The following DEFB108B variants were observed in gnomAD, a reference collection of about 807,000 sequenced individuals.
DEFB108B encodes the protein beta-defensin 108B.
In DEFB108B, 3 loss-of-function variants were observed where a neutral mutation model predicts 2.4. The observed-to-expected ratio is 1.25, with a 90% CI of 0.57 to 3.24. The LOEUF (loss-of-function observed/expected upper bound fraction) is 3.24. Among genes scored for constraint, DEFB108B ranks in the 30% most tolerant of loss-of-function variants. The probability of loss-of-function intolerance (pLI) is 0.03; values close to 1 mark genes in which losing one functional copy is unlikely to be tolerated. For synonymous variants in DEFB108B, 25 were observed against 28.7 expected, an observed-to-expected ratio of 0.87 and a Z score of 0.41; for missense variants, 101 against 87.8, an observed-to-expected ratio of 1.15 and a Z score of -0.60.
In DEFB108B at chr11:71,837,429, G is replaced by A. The variant is rs370343685; in HGVS notation, c.89G>A (p.Arg30His). The change falls in exon 2 of 2, where the codon CGT becomes CAT. Residue 30 changes from arginine (R) to histidine (H), a missense_variant. Coordinates refer to ENST00000328698, the MANE Select transcript of DEFB108B (RefSeq NM_001002035.2). ...GGCAAATTCAAGGAGATCTGTGAAC[G>A]TCCAAATGGCTCCTGTCGGGACTTT... ...ARGKFKEICERPNGSCRDFCL... is the reference protein window; with the variant it reads ...ARGKFKEICEHPNGSCRDFCL... 1.0e-4 allele frequency: 162 copies of A among 1,611,800 alleles called. No homozygotes were observed. The highest frequency in any genetic ancestry group is 1.3e-4 in the Non-Finnish European group (154 of 1,179,810).
chr11:71,837,554 A>G lies in DEFB108B; in HGVS notation c.214A>G (p.Lys72Glu). The G allele has an allele frequency of 6.2e-7, 1 of 1,610,442 alleles. No individual in the cohort carries two copies. Among genetic ancestry groups the G allele is most frequent in the Non-Finnish European group, 8.5e-7 (1 of 1,179,110 alleles). The change falls in exon 2 of 2, where the codon AAG (lysine) becomes GAG (glutamate). Residue 72 changes from lysine (K) to glutamate (E), a missense_variant. Lys to Glu is a moderately conservative substitution (Grantham distance 56). Coordinates refer to ENST00000328698, the MANE Select transcript of DEFB108B (RefSeq NM_001002035.2). Reference sequence around the variant, plus strand: ...AAGAATTGAGAGCACTACACCCAAAAAGGACTGAAGCCTGTTGTTTTCTGG... The same window carrying G: ...AAGAATTGAGAGCACTACACCCAAAGAGGACTGAAGCCTGTTGTTTTCTGG... ...QPRIESTTPK[K>E]D
At chr11:71,836,206 G>C (rs1209559820) in intron 1 of DEFB108B, among the ~76,000 whole-genome samples, 1 of 152,146 alleles carries the variant, frequency 6.6e-6, no homozygotes, top group Non-Finnish European at 1.5e-5. Context: ...CCAACATCTA[G>C]AATTATCATT....
chr11:71,834,085 G>C (rs1232189131), intron 1 of DEFB108B, among the ~76,000 whole-genome samples: 1 of 152,104 alleles, frequency 6.6e-6, no homozygotes, highest in African/African-American at 2.4e-5. Context: ...AAAAAATTAA[G>C]GCCCTGGAAA....
Position 71,837,385 on chromosome 11 carries a change from T to C in DEFB108B, c.59-14T>C, listed in dbSNP as rs7123813. 3 of 1,611,502 alleles carry C rather than the reference T, an allele frequency of 1.9e-6. No homozygotes were observed. The East Asian group carries it at 6.7e-5, about 36-fold the overall frequency. ...GACTGGTGAATGGTTACAATAACCC[T>C]CTTCTTCATGTAGCCAGGGGCAAAT... On this transcript the variant is annotated splice_polypyrimidine_tract_variant and intron_variant, in intron 1 of 1. Coordinates refer to ENST00000328698, the MANE Select transcript of DEFB108B (RefSeq NM_001002035.2).
intron 1 of DEFB108B, among the ~76,000 whole-genome samples, chr11:71,834,040 A>C (rs4122047): frequency 0.6 from 91,694 of 151,982 alleles, 28,124 homozygotes; most frequent in South Asian, 0.66. Context: ...ATGAATAAGC[A>C]ACTTATTGCC....
chr11:71,834,863 G>A (rs1473197708), intron 1 of DEFB108B: 1 of 152,200 alleles, frequency 6.6e-6, no homozygotes, highest in Non-Finnish European at 1.5e-5. Context: ...TTTAAGGTAA[G>A]CGACTAGACA....
chr11:71,837,319 C>T, intron 1 of DEFB108B, 80 bp from the exon 2 acceptor site: 2 of 1,528,284 alleles, frequency 1.3e-6, no homozygotes, highest in South Asian at 2.3e-5. Flanking sequence ...TTTTCAAGCA[C>T]TGCCCCCTAC....
At chr11:71,835,857 A>C (rs1952213149) in intron 1 of DEFB108B, among the ~76,000 whole-genome samples, 2 of 152,240 alleles carry the variant, frequency 1.3e-5, no homozygotes, top group Non-Finnish European at 1.5e-5. Context: ...TGGAATATAC[A>C]TACAGAGGAG....
intron 1 of DEFB108B, among the ~76,000 whole-genome samples, chr11:71,836,043 A>G (rs541943552): frequency 3.8e-4 from 58 of 152,296 alleles, no homozygotes; most frequent in African/African-American, 9.6e-4. Flanking sequence ...CTAATCTCTT[A>G]TGACTCTTCC....
rs753520410 is a variant in DEFB108B at position 71,833,259 on chromosome 11, T to C, written c.58+2T>C. 6.4e-7 allele frequency: 1 copy of C among 1,555,726 alleles called. No homozygotes were observed. The highest frequency in any genetic ancestry group is 8.8e-7 in the Non-Finnish European group (1 of 1,133,942). ...TCTTTATGAGCCAAGTTCTACCAGG[T>C]AACAAAATAAACTTGGTAAGAGTAG... is the stretch of plus-strand genomic sequence containing the variant. On this transcript the variant is annotated splice_donor_variant, in intron 1 of 1. Coordinates refer to ENST00000328698, the MANE Select transcript of DEFB108B (RefSeq NM_001002035.2). LOFTEE classifies it high-confidence loss of function.
At chr11:71,835,215 G>T (rs545250229) in intron 1 of DEFB108B, among the ~76,000 whole-genome samples, 237 of 152,236 alleles carry the variant, frequency 1.6e-3, no homozygotes, top group Non-Finnish European at 2.9e-3. Context: ...TACCTAAAGG[G>T]TAGCTTTTCA....
intron 1 of DEFB108B, among the ~76,000 whole-genome samples, chr11:71,835,469 G>A (rs1026092917): frequency 6.6e-6 from 1 of 152,088 alleles, no homozygotes; most frequent in Non-Finnish European, 1.5e-5. Flanking sequence ...TACTACATTT[G>A]CTTTATTCAA....
chr11:71,837,552 A>G lies in DEFB108B; in HGVS notation c.212A>G (p.Lys71Arg). The change falls in exon 2 of 2, where the codon AAA becomes AGA. Residue 71 changes from lysine (K) to arginine (R), a missense_variant. Transcript: ENST00000328698. ...CCAAGAATTGAGAGCACTACACCCA[A>G]AAAGGACTGAAGCCTGTTGTTTTCT... Reference protein sequence around the residue: ...HQPRIESTTPKKD With the variant: ...HQPRIESTTPRKD 6.2e-7 allele frequency: 1 copy of G among 1,610,924 alleles called. No homozygotes were observed. Among genetic ancestry groups the G allele is most frequent in the Non-Finnish European group, 8.5e-7 (1 of 1,179,334 alleles).
chr11:71,833,959 C>T (rs1388063166), intron 1 of DEFB108B, among the ~76,000 whole-genome samples: 1 of 152,128 alleles, frequency 6.6e-6, no homozygotes, highest in Admixed American at 6.6e-5. Context: ...TTGGATTTGC[C>T]CATGGTGGTT....
chr11:71,833,221 T>C lies in DEFB108B; in HGVS notation c.22T>C (p.Phe8Leu). 4 of 1,603,796 alleles carry C rather than the reference T, an allele frequency of 2.5e-6. No homozygotes were observed. Among genetic ancestry groups the C allele is most frequent in the Non-Finnish European group, 3.4e-6 (4 of 1,174,382 alleles). MRIAVLLFAIFFFMSQVL... is the reference protein window; with the variant it reads MRIAVLLLAIFFFMSQVL... ...AGCCATGAGGATTGCTGTCCTCCTC[T>C]TCGCCATTTTCTTCTTTATGAGCCA... Residue 8 changes from phenylalanine (F) to leucine (L), a missense_variant, in exon 1 of 2, where the codon TTC (phenylalanine) becomes CTC (leucine). Phe to Leu is a conservative substitution (Grantham distance 22, BLOSUM62 0). Transcript: ENST00000328698.
At chr11:71,836,612 C>T (rs565183070) in intron 1 of DEFB108B, among the ~76,000 whole-genome samples, 17 of 152,256 alleles carry the variant, frequency 1.1e-4, no homozygotes, top group Middle Eastern at 3.4e-3. Context: ...TATCTTAGGA[C>T]ATAAATGAAA....
At chr11:71,836,857 A>C (rs1396181816) in intron 1 of DEFB108B, among the ~76,000 whole-genome samples, 1 of 152,148 alleles carries the variant, frequency 6.6e-6, no homozygotes, top group Non-Finnish European at 1.5e-5. Context: ...CCTCTCTAAC[A>C]ATTAAAGTAT....
rs1275990436 is a variant in DEFB108B, at chr11:71,833,267, T to C, written c.58+10T>C. On this transcript the variant is annotated intron_variant, in intron 1 of 1. Transcript: ENST00000328698. ...AGCCAAGTTCTACCAGGTAACAAAA[T>C]AAACTTGGTAAGAGTAGAGTGCCTA... The C allele has an allele frequency of 1.3e-6, 2 of 1,538,622 alleles. No homozygotes were observed. Among genetic ancestry groups the C allele is most frequent in the Non-Finnish European group, 1.8e-6 (2 of 1,120,594 alleles).
At chr11:71,835,735 C>G (rs2085527413) in intron 1 of DEFB108B, among the ~76,000 whole-genome samples, 1 of 152,100 alleles carries the variant, frequency 6.6e-6, no homozygotes, top group Non-Finnish European at 1.5e-5. Flanking sequence ...CCGAGAGTAA[C>G]AACAAATTTC....
Sources: allele counts gnomAD v4.1 joint callset (sites outside exome capture counted in the v4.1 genomes callset), GRCh38; gene constraint gnomAD v4.1.1; transcripts MANE v1.5; gene names NCBI Gene and HGNC (gene_info 2026-07-23, HGNC 2026-07-21).